The following RASAL2 variants were observed in gnomAD, a reference collection of about 807,000 sequenced individuals.
RASAL2 encodes RAS protein activator like 2.
Under a neutral mutation model 128.9 loss-of-function variants are expected in RASAL2, and 58 were observed. The ratio of observed to expected loss-of-function variants is 0.45; its 90% confidence interval spans 0.36 to 0.56. The LOEUF (loss-of-function observed/expected upper bound fraction) is 0.56. RASAL2 is among the 20% of genes least tolerant of loss of function. RASAL2 has a pLI of 0.00. For synonymous variants in RASAL2, 561 were observed against 580.8 expected (o/e 0.97, Z 0.49); for missense variants, 1,360 against 1,601.6 (o/e 0.85, Z 2.57).
At chr1:178,399,670 A>G (rs1673488780) in intron 4 of RASAL2, among the ~76,000 whole-genome samples, 1 of 152,366 alleles carries the variant, frequency 6.6e-6, no homozygotes, top group African/African-American at 2.4e-5. Flanking sequence ...AAGTGGAGAC[A>G]AAAACTACTG....
At chr1:178,357,269 A>G (rs1168065835) in intron 3 of RASAL2, among the ~76,000 whole-genome samples, 1 of 149,292 alleles carries the variant, frequency 6.7e-6, no homozygotes, top group Non-Finnish European at 1.5e-5. Context: ...TTTCAACTTC[A>G]GTTTATGTCT....
chr1:178,131,291 TG>T (rs776951778), intron 1 of RASAL2, among the ~76,000 whole-genome samples: 12 of 150,918 alleles, frequency 8.0e-5, no homozygotes, highest in Non-Finnish European at 1.6e-4. Context: ...ACTGCAGTCT[TG>T]AACTCCCAGG....
intron 9 of RASAL2, among the ~76,000 whole-genome samples, chr1:178,448,544 G>C (rs764050352): frequency 3.9e-5 from 6 of 151,932 alleles, no homozygotes; most frequent in Non-Finnish European, 8.8e-5. Flanking sequence ...GGTACAAAGA[G>C]CTTAAGAAAA....
In RASAL2 at chr1:178,259,333, G is replaced by A. The variant is rs561220286; in HGVS notation, c.203-24231G>A. Reference sequence around the variant, plus strand: ...TTTTTAGTAGAGACGGGGTTTCACCGTGTTAGCCAGGATGGTCTCGATCTC... The same window carrying A: ...TTTTTAGTAGAGACGGGGTTTCACCATGTTAGCCAGGATGGTCTCGATCTC... On this transcript the variant is annotated intron_variant, in intron 1 of 17. Coordinates refer to ENST00000367649, the MANE Select transcript of RASAL2 (RefSeq NM_170692.4). 7.3e-5 allele frequency among the ~76,000 whole-genome samples: 11 copies of A among 151,654 alleles called. 1 individual carries two copies. The highest frequency in any genetic ancestry group is 6.3e-4 in the South Asian group (3 of 4,794).
chr1:178,122,475 A>G (rs536977261), intron 1 of RASAL2, among the ~76,000 whole-genome samples: 7 of 152,228 alleles, frequency 4.6e-5, no homozygotes, highest in East Asian at 2.0e-4. Context: ...TGTTCAGACT[A>G]TAGTAGGAAT....
intron 3 of RASAL2, among the ~76,000 whole-genome samples, chr1:178,360,648 A>G (rs1437614903): frequency 6.6e-6 from 1 of 152,198 alleles, no homozygotes; most frequent in East Asian, 1.9e-4. Flanking sequence ...GTTTTATTTT[A>G]CCAGGGCTGC....
At chr1:178,408,124 T>TA (rs1674105577) in intron 4 of RASAL2, among the ~76,000 whole-genome samples, 2 of 152,278 alleles carry the variant, frequency 1.3e-5, no homozygotes, top group East Asian at 1.9e-4. Flanking sequence ...GTACCTTTTT[T>TA]AAAAAAATAA....
intron 3 of RASAL2, among the ~76,000 whole-genome samples, chr1:178,321,809 T>G (rs966426058): frequency 6.6e-6 from 1 of 151,312 alleles, no homozygotes; most frequent in Non-Finnish European, 1.5e-5. Context: ...ACCAACATGG[T>G]GAAACCCCGT....
At chr1:178,346,437 A>C (rs1238897479) in intron 3 of RASAL2, among the ~76,000 whole-genome samples, 4 of 151,980 alleles carry the variant, frequency 2.6e-5, no homozygotes, top group Non-Finnish European at 5.9e-5. Context: ...AGAAAAGAAA[A>C]GAAATCGCTA....
Position 178,452,525 on chromosome 1 carries a change from C to A in RASAL2, c.1882C>A (p.Arg628Ser). Reference sequence around the variant, plus strand: ...GCTCATCAGTGCCTCATTATTTCTCCGTTTTCTGTGTCCAGCCATTATGTC... The same window carrying A: ...GCTCATCAGTGCCTCATTATTTCTCAGTTTTCTGTGTCCAGCCATTATGTC... Reference protein sequence around the residue: ...ERLISASLFLRFLCPAIMSPS... With the variant: ...ERLISASLFLSFLCPAIMSPS... Residue 628 changes from arginine to serine, a missense_variant, in exon 11 of 18, where the codon CGT becomes AGT. Around this residue, in one of 3 missense-constraint regions of RASAL2, gnomAD observed 741 missense variants for 868.6 expected, o/e 0.85. Transcript: ENST00000367649. The A allele has an allele frequency of 6.2e-7, 1 of 1,614,006 alleles. No homozygotes were observed. The highest frequency in any genetic ancestry group is 8.5e-7 in the Non-Finnish European group (1 of 1,179,918).
At chr1:178,105,290 C>T (rs897870757) in intron 1 of RASAL2, among the ~76,000 whole-genome samples, 2 of 152,102 alleles carry the variant, frequency 1.3e-5, no homozygotes, top group African/African-American at 4.8e-5. Flanking sequence ...TGGAAAAAAT[C>T]ATATTTTATA....
chr1:178,280,447 T>C (rs558419199), intron 1 of RASAL2, among the ~76,000 whole-genome samples: 1 of 152,126 alleles, frequency 6.6e-6, no homozygotes, highest in Non-Finnish European at 1.5e-5. Context: ...TCATATTTTT[T>C]AAATTTCTCA....
intron 3 of RASAL2, among the ~76,000 whole-genome samples, chr1:178,377,529 G>A (rs1672054838): frequency 6.6e-6 from 1 of 152,072 alleles, no homozygotes; most frequent in Non-Finnish European, 1.5e-5. Flanking sequence ...ATGGGCCAAG[G>A]GTCTAACAAA....
At chr1:178,438,764 G>A (rs1676417107) in intron 5 of RASAL2, among the ~76,000 whole-genome samples, 1 of 151,688 alleles carries the variant, frequency 6.6e-6, no homozygotes, top group South Asian at 2.1e-4. Context: ...CTTTATTCAT[G>A]CTTATATAGT....
chr1:178,445,894 G>A (rs1165834361), intron 9 of RASAL2, among the ~76,000 whole-genome samples: 1 of 152,086 alleles, frequency 6.6e-6, no homozygotes, highest in East Asian at 1.9e-4. Flanking sequence ...CAGGTCCCCA[G>A]CTTCATGATT....
rs550653068 is a variant in RASAL2, at chr1:178,251,298, A to G, written c.203-32266A>G. Among the ~76,000 whole-genome samples the G allele has an allele frequency of 2.4e-4, 36 of 152,234 alleles. 1 individual carries two copies. Among genetic ancestry groups the G allele is most frequent in the Non-Finnish European group, 4.4e-4 (30 of 68,036 alleles). On this transcript the variant is annotated intron_variant, in intron 1 of 17. Transcript: ENST00000367649. ...GCTTATAACTTTGTTCTCTCCATTG[A>G]CAATAACTTGCTCATACAATCTTTA...
At chr1:178,379,201 A>G (rs1177784468) in intron 3 of RASAL2, among the ~76,000 whole-genome samples, 1 of 152,176 alleles carries the variant, frequency 6.6e-6, no homozygotes, top group Non-Finnish European at 1.5e-5. Context: ...AACTGTAATT[A>G]GGCCTGTGAC....
intron 12 of RASAL2, among the ~76,000 whole-genome samples, chr1:178,455,313 G>A (rs879509186): frequency 6.6e-6 from 1 of 152,130 alleles, no homozygotes; most frequent in African/African-American, 2.4e-5. Flanking sequence ...AAAGACGTTG[G>A]CTAGGCTTAT....
At chr1:178,162,308 T>TATATAA (rs1452532619) in intron 1 of RASAL2, among the ~76,000 whole-genome samples, 8 of 129,174 alleles carry the variant, frequency 6.2e-5, no homozygotes, top group African/African-American at 1.5e-4. Context: ...TATATATATA[T>TATATAA]AATGTATTAT....
Sources: gnomAD v4.1 joint callset for allele counts (sites outside exome capture counted in the v4.1 genomes callset) on GRCh38, gnomAD v4.1.1 for gene constraint, gnomAD v4.1.1 regional missense constraint, MANE v1.5 for transcripts, NCBI Gene and HGNC (gene_info 2026-07-23, HGNC 2026-07-21) for gene names.